KIF6: variants seen among roughly 807,000 people sequenced by gnomAD.
The protein encoded by KIF6 is kinesin family member 6, also known as kinesin-like protein KIF6.
KIF6 carries 106 observed loss-of-function variants against 112.7 expected under a neutral mutation model. That is an observed-to-expected ratio of 0.94 (90% CI 0.80 to 1.11). The LOEUF (loss-of-function observed/expected upper bound fraction) is 1.11, where lower values mean the gene tolerates loss of function less well. Ranked by LOEUF, KIF6 falls within the 50% of genes least tolerant of loss-of-function variation. The probability of loss-of-function intolerance (pLI) is 0.00; values close to 1 mark genes in which losing one functional copy is unlikely to be tolerated. For missense variants in KIF6, 929 were observed against 964.0 expected (o/e 0.96, Z 0.48); for synonymous variants, 339 against 339.9 (o/e 1.00, Z 0.03).
chr6:39,722,716 G>C (rs893812390), intron 1 of KIF6, among the ~76,000 whole-genome samples: 1 of 152,096 alleles, frequency 6.6e-6, no homozygotes, highest in African/African-American at 2.4e-5. Flanking sequence ...AATCTTTTGC[G>C]GACAAGAAGA....
intron 15 of KIF6, among the ~76,000 whole-genome samples, chr6:39,394,508 G>A (rs1768113545): frequency 6.6e-6 from 1 of 152,232 alleles, no homozygotes; most frequent in Admixed American, 6.5e-5. Flanking sequence ...GCAAAGAAGT[G>A]AAGGTGGAAG....
chr6:39,592,224 C>CA (rs1278349072), intron 7 of KIF6, among the ~76,000 whole-genome samples: 1 of 152,210 alleles, frequency 6.6e-6, no homozygotes, highest in Non-Finnish European at 1.5e-5. Context: ...CTCTAACTGA[C>CA]AAGGAGTAGA....
At chr6:39,665,541 T>C (rs1295616478) in intron 3 of KIF6, among the ~76,000 whole-genome samples, 1 of 152,100 alleles carries the variant, frequency 6.6e-6, no homozygotes, top group African/African-American at 2.4e-5. Context: ...CAATTTTAAA[T>C]AGTTAAAAAA....
At chr6:39,617,459 A>G (rs1361031012) in intron 5 of KIF6, among the ~76,000 whole-genome samples, 1 of 152,176 alleles carries the variant, frequency 6.6e-6, no homozygotes, top group African/African-American at 2.4e-5. Context: ...TGCAAGGAAC[A>G]TGGTTTCTAA....
At chr6:39,687,614 T>C (rs1228543279) in intron 3 of KIF6, among the ~76,000 whole-genome samples, 4 of 152,236 alleles carry the variant, frequency 2.6e-5, no homozygotes, top group Non-Finnish European at 4.4e-5. Context: ...ATCAACCTTA[T>C]CTGTCATCAG....
intron 13 of KIF6, among the ~76,000 whole-genome samples, chr6:39,468,082 T>C (rs1314372830): frequency 6.6e-6 from 1 of 152,030 alleles, no homozygotes; most frequent in African/African-American, 2.4e-5. Flanking sequence ...AAATGAAAGA[T>C]TCACTATAGG....
intron 13 of KIF6, among the ~76,000 whole-genome samples, chr6:39,526,326 CAA>C (rs1206542374): frequency 6.6e-6 from 1 of 152,172 alleles, no homozygotes; most frequent in Non-Finnish European, 1.5e-5. Context: ...CCCTTTTCTC[CAA>C]AGAGTCTGGA....
intron 5 of KIF6, among the ~76,000 whole-genome samples, chr6:39,618,574 A>G (rs967535731): frequency 6.6e-6 from 1 of 152,188 alleles, no homozygotes; most frequent in Non-Finnish European, 1.5e-5. Flanking sequence ...TGGCAATAAG[A>G]CACCAAATTA....
chr6:39,585,557 A>G (rs899780811), intron 8 of KIF6, among the ~76,000 whole-genome samples: 1 of 152,224 alleles, frequency 6.6e-6, no homozygotes, highest in Non-Finnish European at 1.5e-5. Flanking sequence ...AGAGATCACA[A>G]GGTCCTAAGT....
Position 39,439,823 on chromosome 6 carries a change from C to T in KIF6, c.1646-8662G>A, listed in dbSNP as rs145496294. On this transcript the variant is annotated intron_variant, in intron 13 of 22. Coordinates refer to ENST00000287152, the MANE Select transcript of KIF6 (RefSeq NM_145027.6). ...GAAACCAAATGGAAAGGAAAAACAT[C>T]GGAAGTGGAGAGTTTATGCTATTGC... Among the ~76,000 whole-genome samples, 432 of 152,224 alleles carry T rather than the reference C, an allele frequency of 2.8e-3. 4 individuals carry two copies. The highest frequency in any genetic ancestry group is 1.0e-2 in the African/African-American group (414 of 41,536).
chr6:39,639,907 C>G (rs1018436693), intron 3 of KIF6, 150 bp from the exon 4 acceptor site: 2 of 614,100 alleles, frequency 3.3e-6, no homozygotes, highest in African/African-American at 3.8e-5. Flanking sequence ...GAATATCTAG[C>G]TAGAATTTAC....
At chr6:39,534,804 G>A (rs1778310566) in intron 13 of KIF6, among the ~76,000 whole-genome samples, 1 of 152,336 alleles carries the variant, frequency 6.6e-6, no homozygotes, top group South Asian at 2.1e-4. Context: ...GTTAAGGGCA[G>A]CCAGGGAGAA....
intron 10 of KIF6, among the ~76,000 whole-genome samples, chr6:39,550,834 T>C (rs111928766): frequency 0.02 from 3,078 of 152,300 alleles, 48 homozygotes; most frequent in Middle Eastern, 0.068. Flanking sequence ...GGGTTAAACA[T>C]GGGGATACTG....
At chr6:39,339,115 G>T (rs955097165) in intron 22 of KIF6, among the ~76,000 whole-genome samples, 1 of 152,114 alleles carries the variant, frequency 6.6e-6, no homozygotes. Flanking sequence ...TCTGTATTGG[G>T]GTTTTGATTA....
chr6:39,503,452 G>A (rs1354451401), intron 13 of KIF6, among the ~76,000 whole-genome samples: 1 of 151,920 alleles, frequency 6.6e-6, no homozygotes, highest in Non-Finnish European at 1.5e-5. Flanking sequence ...AAAGTTATCA[G>A]AAGATAAGAA....
intron 3 of KIF6, among the ~76,000 whole-genome samples, chr6:39,644,805 T>C (rs1211926720): frequency 1.3e-5 from 2 of 152,302 alleles, no homozygotes; most frequent in East Asian, 3.9e-4. Flanking sequence ...AGAGTAAATG[T>C]TTTAGTATTT....
Position 39,483,439 on chromosome 6 carries a change from CA to C in KIF6, c.1646-52279del, listed in dbSNP as rs527980531. ...TTCTGCATCTGGGATTATGGGGAAACAGTAACTTTTAAAAAGATTTCCCACC... is the reference window on the plus strand; with the variant it reads ...TTCTGCATCTGGGATTATGGGGAAACGTAACTTTTAAAAAGATTTCCCACC... On this transcript the variant is annotated intron_variant, in intron 13 of 22. Coordinates refer to ENST00000287152, the MANE Select transcript of KIF6 (RefSeq NM_145027.6). 2.6e-5 allele frequency among the ~76,000 whole-genome samples: 4 copies of C among 152,306 alleles called. No individual in the cohort carries two copies. In the South Asian group the frequency reaches 8.3e-4, roughly 32 times the overall value.
intron 4 of KIF6, among the ~76,000 whole-genome samples, chr6:39,636,742 T>C (rs1784640087): frequency 6.6e-6 from 1 of 152,020 alleles, no homozygotes; most frequent in Admixed American, 6.6e-5. Flanking sequence ...AACCAACATA[T>C]TTTTAAAATT....
chr6:39,596,040 T>G lies in KIF6; in HGVS notation c.846+14A>C. 6.2e-7 allele frequency: 1 copy of G among 1,603,676 alleles called. No homozygotes were observed. Among genetic ancestry groups the G allele is most frequent in the Non-Finnish European group, 8.5e-7 (1 of 1,170,622 alleles). ...AGCTATAGTTATTAATACATCCCAC[T>G]CTGCCCATTTTACCTGTTCTAAGTA... On this transcript the variant is annotated intron_variant, in intron 7 of 22. Transcript: ENST00000287152.
Sources: allele counts gnomAD v4.1 joint callset (sites outside exome capture counted in the v4.1 genomes callset), GRCh38; gene constraint gnomAD v4.1.1; transcripts MANE v1.5; gene names NCBI Gene and HGNC (gene_info 2026-07-23, HGNC 2026-07-21).